Variants in CLPB observed in about 807,000 individuals in gnomAD.
The protein encoded by CLPB is ClpB family mitochondrial disaggregase.
CLPB carries 40 observed loss-of-function variants against 78.4 expected under a neutral mutation model. That is an observed-to-expected ratio of 0.51 (90% CI 0.40 to 0.66). CLPB has a LOEUF of 0.66. CLPB is among the 30% of genes least tolerant of loss of function. The probability of loss-of-function intolerance (pLI) is 0.00; values close to 1 mark genes in which losing one functional copy is unlikely to be tolerated. For missense variants in CLPB, 780 were observed against 886.9 expected (o/e 0.88, Z 1.53); for synonymous variants, 333 against 348.0 (o/e 0.96, Z 0.48).
At chr11:72,348,333 G>A (rs1048303291) in intron 5 of CLPB, among the ~76,000 whole-genome samples, 1 of 151,820 alleles carries the variant, frequency 6.6e-6, no homozygotes, top group Non-Finnish European at 1.5e-5. Flanking sequence ...CACTTCAGGA[G>A]CTCTCTATGG....
In CLPB at chr11:72,434,417, G is replaced by A. The variant is rs150558227; in HGVS notation, c.58C>T (p.Leu20=). Residue 20 remains leucine (L), a synonymous_variant, in exon 1 of 16, where the codon CTG becomes TTG. Coordinates refer to ENST00000538039, the MANE Select transcript of CLPB (RefSeq NM_001258392.3). ...KALAPRLLLR[L]LRSPTLRGHG... The stretch of plus-strand genomic sequence containing the variant: ...CCCCGGAGCGTTGGGGACCTGAGCA[G>A]CCGGAGGAGTAGCCGTGGCGCCAGT... 4.3e-5 allele frequency: 68 copies of A among 1,595,830 alleles called. No individual in the cohort carries two copies. Among genetic ancestry groups the A allele is most frequent in the Non-Finnish European group, 5.6e-5 (66 of 1,168,972 alleles).
chr11:72,320,146 C>T (rs893745961), intron 6 of CLPB, among the ~76,000 whole-genome samples: 6 of 152,222 alleles, frequency 3.9e-5, no homozygotes, highest in African/African-American at 1.4e-4. Context: ...TAGAGAATTC[C>T]ACCTCTGGGT....
chr11:72,434,000 C>T, intron 1 of CLPB, 72 bp downstream of exon 1: 1 of 1,536,012 alleles, frequency 6.5e-7, no homozygotes, highest in Non-Finnish European at 8.8e-7. Flanking sequence ...AAGTACCTCC[C>T]ACCCTCCTAA....
chr11:72,378,877 A>T (rs1293167544), intron 4 of CLPB, among the ~76,000 whole-genome samples: 3 of 152,226 alleles, frequency 2.0e-5, no homozygotes, highest in Non-Finnish European at 4.4e-5. Context: ...TAACCATACA[A>T]GAGGCCAAGA....
chr11:72,361,448 C>A (rs1274034334), intron 4 of CLPB, among the ~76,000 whole-genome samples: 1 of 152,178 alleles, frequency 6.6e-6, no homozygotes, highest in African/African-American at 2.4e-5. Flanking sequence ...CTTATCAAAT[C>A]ATGCTAGGTG....
chr11:72,426,641 C>T (rs1196902208), intron 2 of CLPB, among the ~76,000 whole-genome samples: 1 of 152,172 alleles, frequency 6.6e-6, no homozygotes, highest in Non-Finnish European at 1.5e-5. Flanking sequence ...GGACTGCTTA[C>T]TTCAGGTACA....
At chr11:72,433,716 C>A (rs1856616239) in intron 1 of CLPB, among the ~76,000 whole-genome samples, 1 of 151,996 alleles carries the variant, frequency 6.6e-6, no homozygotes, top group Non-Finnish European at 1.5e-5. Context: ...CCTTAAAACA[C>A]CCCATAATTT....
intron 1 of CLPB, 130 bp downstream of exon 1, chr11:72,433,939 AGAT>A: frequency 3.6e-6 from 4 of 1,113,916 alleles, no homozygotes; most frequent in Non-Finnish European, 5.1e-6. Flanking sequence ...CCCTGTAACC[AGAT>A]GATGTCTGAG....
At chr11:72,388,843 T>C (rs1211782316) in intron 3 of CLPB, among the ~76,000 whole-genome samples, 2 of 152,160 alleles carry the variant, frequency 1.3e-5, no homozygotes, top group South Asian at 2.1e-4. Flanking sequence ...CTATAGCATA[T>C]AGCATATAGC....
At chr11:72,362,121 A>T (rs146044080) in intron 4 of CLPB, among the ~76,000 whole-genome samples, 37 of 152,296 alleles carry the variant, frequency 2.4e-4, no homozygotes, top group African/African-American at 8.9e-4. Flanking sequence ...TGTAAATACT[A>T]TTCGACTGCC....
intron 2 of CLPB, among the ~76,000 whole-genome samples, chr11:72,421,415 G>GT (rs1358902899): frequency 4.6e-5 from 7 of 152,284 alleles, no homozygotes; most frequent in African/African-American, 1.2e-4. Flanking sequence ...CATCAGAGCC[G>GT]TATCACTGGG....
At chr11:72,324,448 T>A (rs745424177) in intron 6 of CLPB, among the ~76,000 whole-genome samples, 3 of 151,824 alleles carry the variant, frequency 2.0e-5, no homozygotes, top group African/African-American at 7.3e-5. Flanking sequence ...CCCCTGTAAT[T>A]CCAGCTACTG....
At chr11:72,404,561 G>C (rs1314595202) in intron 2 of CLPB, among the ~76,000 whole-genome samples, 1 of 152,218 alleles carries the variant, frequency 6.6e-6, no homozygotes, top group Non-Finnish European at 1.5e-5. Context: ...CACATCTCAT[G>C]AGTGATATGA....
intron 6 of CLPB, among the ~76,000 whole-genome samples, chr11:72,323,079 G>A (rs900526172): frequency 6.6e-6 from 1 of 152,170 alleles, no homozygotes; most frequent in Non-Finnish European, 1.5e-5. Context: ...TTAGGAAGAT[G>A]AGACTTAAAA....
Position 72,366,460 on chromosome 11 carries a change from A to G in CLPB, c.647-7452T>C, listed in dbSNP as rs115137667. On this transcript the variant is annotated intron_variant, in intron 4 of 15. Transcript: ENST00000538039. ...CCAGGCTGGTCTTGAACTTCTGACC[A>G]TGGGTGATCCACCTGCCTCAGCCTC... 6.7e-3 allele frequency among the ~76,000 whole-genome samples: 1,015 copies of G among 152,038 alleles called. 12 individuals are homozygous for G. Among genetic ancestry groups the G allele is most frequent in the African/African-American group, 0.023 (972 of 41,470 alleles).
At chr11:72,300,368 A>G (rs1036887440) in intron 11 of CLPB, among the ~76,000 whole-genome samples, 1 of 152,196 alleles carries the variant, frequency 6.6e-6, no homozygotes, top group Non-Finnish European at 1.5e-5. Flanking sequence ...TCTACCAGGC[A>G]GAGAGCTCCA....
chr11:72,346,288 G>A (rs1015104052), intron 5 of CLPB, among the ~76,000 whole-genome samples: 2 of 152,002 alleles, frequency 1.3e-5, no homozygotes, highest in South Asian at 2.1e-4. Flanking sequence ...GTGCATTCAC[G>A]TTATAAACAA....
chr11:72,381,746 C>T (rs1247399760), intron 3 of CLPB, among the ~76,000 whole-genome samples: 8 of 152,138 alleles, frequency 5.3e-5, no homozygotes, highest in African/African-American at 1.9e-4. Flanking sequence ...CAAGTTGGTC[C>T]ACACAGCTCA....
chr11:72,336,905 C>T (rs1010438526), intron 5 of CLPB: 30 of 392,918 alleles, frequency 7.6e-5, no homozygotes, highest in Middle Eastern at 6.3e-4. Flanking sequence ...GTGGTCTCTC[C>T]GATTACCCAG....
Sources: allele counts gnomAD v4.1 joint callset (sites outside exome capture counted in the v4.1 genomes callset), GRCh38; gene constraint gnomAD v4.1.1; transcripts MANE v1.5; gene names NCBI Gene and HGNC (gene_info 2026-07-23, HGNC 2026-07-21).